HS3ST5: variants seen among roughly 807,000 people sequenced by gnomAD.
HS3ST5 encodes heparan sulfate-glucosamine 3-sulfotransferase 5.
In HS3ST5, 10 loss-of-function variants were observed where a neutral mutation model predicts 25.4. The observed-to-expected ratio is 0.39, with a 90% CI of 0.24 to 0.67. The LOEUF is 0.67. Among genes scored for constraint, HS3ST5 ranks in the 30% least tolerant of loss-of-function variants. The pLI is 0.44. For synonymous variants in HS3ST5, 170 were observed against 162.4 expected, an observed-to-expected ratio of 1.05 and a Z score of -0.36; for missense variants, 324 against 420.7, an observed-to-expected ratio of 0.77 and a Z score of 2.01.
chr6:114,085,519 T>C (rs2051056428), intron 3 of HS3ST5, among the ~76,000 whole-genome samples: 1 of 152,240 alleles, frequency 6.6e-6, no homozygotes, highest in African/African-American at 2.4e-5. Flanking sequence ...ATTGGCAGTA[T>C]AGCTCTCTAG....
intron 1 of HS3ST5, among the ~76,000 whole-genome samples, chr6:114,243,557 G>A (rs1414442974): frequency 6.6e-6 from 1 of 152,190 alleles, no homozygotes; most frequent in African/African-American, 2.4e-5. Context: ...GCACAGCACA[G>A]TTCTTAATTT....
At chr6:114,306,516 C>T (rs1489863837) in intron 1 of HS3ST5, among the ~76,000 whole-genome samples, 1 of 151,164 alleles carries the variant, frequency 6.6e-6, no homozygotes, top group Non-Finnish European at 1.5e-5. Context: ...TTTTAGTGCT[C>T]GATATTATAT....
chr6:114,076,487 G>A (rs1774143870), intron 3 of HS3ST5, among the ~76,000 whole-genome samples: 1 of 152,100 alleles, frequency 6.6e-6, no homozygotes, highest in Admixed American at 6.5e-5. Flanking sequence ...CTTTAAAGAT[G>A]GCTGCACCAC....
intron 1 of HS3ST5, among the ~76,000 whole-genome samples, chr6:114,317,952 C>A (rs950658275): frequency 2.6e-5 from 4 of 152,088 alleles, no homozygotes; most frequent in Admixed American, 6.6e-5. Flanking sequence ...ACTGTTAATT[C>A]AAATACTCAA....
At chr6:114,160,709 A>G (rs1271594356) in intron 3 of HS3ST5, among the ~76,000 whole-genome samples, 42 of 152,320 alleles carry the variant, frequency 2.8e-4, no homozygotes. Flanking sequence ...AATAAATAAT[A>G]TCTGACAACA....
chr6:114,340,402 T>C (rs1776778778), intron 1 of HS3ST5: 1 of 152,276 alleles, frequency 6.6e-6, no homozygotes, highest in Non-Finnish European at 1.5e-5. Context: ...CCAGAGTAGC[T>C]TGGGAGAGGC....
rs959976902 is a variant in HS3ST5 at position 114,271,414 on chromosome 6, G to C, written c.-338-42636C>G. Reference sequence around the variant, plus strand: ...ATAAATGAATTGACAAATTCATTTAGAGTAGAAATCAAACAGCTCTTAAGA... The same window carrying C: ...ATAAATGAATTGACAAATTCATTTACAGTAGAAATCAAACAGCTCTTAAGA... On this transcript the variant is annotated intron_variant, in intron 1 of 4. Transcript: ENST00000312719. 2.0e-5 allele frequency among the ~76,000 whole-genome samples: 3 copies of C among 151,954 alleles called. No homozygotes were observed. The South Asian group carries it at 6.2e-4, about 31-fold the overall frequency.
At chr6:114,256,384 T>C (rs1282344190) in intron 1 of HS3ST5, among the ~76,000 whole-genome samples, 4 of 144,174 alleles carry the variant, frequency 2.8e-5, no homozygotes, top group African/African-American at 1.0e-4. Context: ...CAAGACTCCC[T>C]CTCAAAAAAA....
At chr6:114,069,948 AT>A (rs771702895) in intron 3 of HS3ST5, among the ~76,000 whole-genome samples, 53 of 152,182 alleles carry the variant, frequency 3.5e-4, no homozygotes, top group Non-Finnish European at 5.4e-4. Flanking sequence ...TTAAAAAATA[AT>A]TTCAATAGTT....
At chr6:114,308,417 C>T (rs539088459) in intron 1 of HS3ST5, among the ~76,000 whole-genome samples, 110 of 152,180 alleles carry the variant, frequency 7.2e-4, no homozygotes, top group African/African-American at 2.5e-3. Context: ...AACCCCGTCT[C>T]TACTAAGAAA....
At chr6:114,178,444 C>T (rs1010727265) in intron 2 of HS3ST5, among the ~76,000 whole-genome samples, 1 of 152,204 alleles carries the variant, frequency 6.6e-6, no homozygotes, top group Non-Finnish European at 1.5e-5. Flanking sequence ...ACTACTTTAA[C>T]TTGCCTTCTT....
intron 1 of HS3ST5, among the ~76,000 whole-genome samples, chr6:114,305,934 A>G (rs1278816592): frequency 6.6e-6 from 1 of 152,084 alleles, no homozygotes; most frequent in Admixed American, 6.6e-5. Context: ...TTGACATAAT[A>G]CACTGGACTA....
intron 2 of HS3ST5, among the ~76,000 whole-genome samples, chr6:114,200,405 G>A (rs1246438275): frequency 6.6e-6 from 1 of 152,204 alleles, no homozygotes; most frequent in Admixed American, 6.5e-5. Context: ...GTAAATGCTC[G>A]GTTATACAAG....
At chr6:114,316,786 T>A (rs1304985254) in intron 1 of HS3ST5, among the ~76,000 whole-genome samples, 1 of 152,204 alleles carries the variant, frequency 6.6e-6, no homozygotes, top group African/African-American at 2.4e-5. Flanking sequence ...TTAAAGATTT[T>A]AAGGGCAACA....
At chr6:114,255,799 G>A (rs1182942293) in intron 1 of HS3ST5, among the ~76,000 whole-genome samples, 1 of 152,088 alleles carries the variant, frequency 6.6e-6, no homozygotes, top group Non-Finnish European at 1.5e-5. Flanking sequence ...TGGGATGCAG[G>A]GCACCAAGTC....
intron 2 of HS3ST5, among the ~76,000 whole-genome samples, chr6:114,202,366 A>C (rs536369808): frequency 9.9e-5 from 15 of 151,936 alleles, no homozygotes; most frequent in Non-Finnish European, 2.2e-4. Flanking sequence ...ATACTCATTA[A>C]TTTTCCTGTT....
intron 2 of HS3ST5, among the ~76,000 whole-genome samples, chr6:114,214,279 AC>A (rs748201777): frequency 3.3e-5 from 5 of 152,228 alleles, no homozygotes; most frequent in Admixed American, 6.5e-5. Context: ...ATAACTTTTA[AC>A]TAAACATTCC....
At chr6:114,310,488 G>GT in intron 1 of HS3ST5, among the ~76,000 whole-genome samples, 1 of 150,902 alleles carries the variant, frequency 6.6e-6, no homozygotes, top group African/African-American at 2.4e-5. Flanking sequence ...CTTCAAAAAC[G>GT]TTTTTTTGTG....
intron 1 of HS3ST5, among the ~76,000 whole-genome samples, chr6:114,302,309 T>C (rs1035305893): frequency 6.6e-6 from 1 of 152,206 alleles, no homozygotes; most frequent in African/African-American, 2.4e-5. Flanking sequence ...TGAAAGCCAT[T>C]GCAAATTATT....
Sources: gnomAD v4.1 joint callset for allele counts (sites outside exome capture counted in the v4.1 genomes callset) on GRCh38, gnomAD v4.1.1 for gene constraint, MANE v1.5 for transcripts, NCBI Gene and HGNC (gene_info 2026-07-23, HGNC 2026-07-21) for gene names.